The following DAB1 variants were observed in gnomAD, a reference collection of about 807,000 sequenced individuals.
DAB1 encodes the protein disabled homolog 1.
A neutral mutation model predicts 64.6 loss-of-function variants in DAB1; 15 were observed. The ratio of observed to expected loss-of-function variants is 0.23; its 90% CI spans 0.16 to 0.36. DAB1 has a LOEUF of 0.36. Ranked by LOEUF, DAB1 falls within the 10% of genes least tolerant of loss-of-function variation. The pLI is 1.00. For missense variants in DAB1, 596 were observed against 706.7 expected (o/e 0.84, Z 1.78); for synonymous variants, 235 against 251.9 (o/e 0.93, Z 0.64).
intron 7 of DAB1, among the ~76,000 whole-genome samples, chr1:57,516,389 G>A (rs1017590368): frequency 1.3e-5 from 2 of 152,206 alleles, no homozygotes; most frequent in African/African-American, 2.4e-5. Context: ...GAAGACATAA[G>A]ACCGGAGACT....
At chr1:57,127,641 C>T (rs145424422) in intron 4 of DAB1, among the ~76,000 whole-genome samples, 2 of 152,292 alleles carry the variant, frequency 1.3e-5, no homozygotes, top group African/African-American at 4.8e-5. Context: ...CCAGTAGGTG[C>T]TCAATAAGTA....
intron 4 of DAB1, among the ~76,000 whole-genome samples, chr1:58,267,183 G>A (rs1661189587): frequency 6.6e-6 from 1 of 152,124 alleles, no homozygotes; most frequent in African/African-American, 2.4e-5. Context: ...TCACGCCACT[G>A]CACTCCAGCC....
intron 1 of DAB1, among the ~76,000 whole-genome samples, chr1:57,827,554 G>A (rs747699438): frequency 1.3e-5 from 2 of 152,146 alleles, no homozygotes; most frequent in Non-Finnish European, 2.9e-5. Flanking sequence ...AGATGGTGAA[G>A]ATTTAACACA....
At chr1:57,510,530 C>A (rs987148440) in intron 7 of DAB1, among the ~76,000 whole-genome samples, 1 of 152,110 alleles carries the variant, frequency 6.6e-6, no homozygotes, top group South Asian at 2.1e-4. Context: ...CTTGCACAGA[C>A]CCCGAGCTCT....
chr1:57,759,872 G>A (rs1166598521), intron 6 of DAB1, among the ~76,000 whole-genome samples: 1 of 152,170 alleles, frequency 6.6e-6, no homozygotes, highest in Non-Finnish European at 1.5e-5. Context: ...AACAATTATA[G>A]AGGGGAAATG....
intron 4 of DAB1, among the ~76,000 whole-genome samples, chr1:58,342,446 A>G (rs112915071): frequency 0.013 from 1,963 of 152,320 alleles, 24 homozygotes; most frequent in Non-Finnish European, 0.02. Flanking sequence ...GAGAATGTGG[A>G]TAAATCAATA....
At chr1:58,369,048 A>T (rs1290511175) in intron 3 of DAB1, among the ~76,000 whole-genome samples, 4 of 152,208 alleles carry the variant, frequency 2.6e-5, no homozygotes, top group Non-Finnish European at 4.4e-5. Context: ...TACTAACAGG[A>T]ATTGGTGCAT....
chr1:57,632,395 A>G (rs1646000498), intron 7 of DAB1, among the ~76,000 whole-genome samples: 1 of 152,168 alleles, frequency 6.6e-6, no homozygotes, highest in South Asian at 2.1e-4. Context: ...TTAACATGAA[A>G]TTGGGATCAG....
chr1:58,499,504 AG>A (rs1330821836), intron 3 of DAB1, among the ~76,000 whole-genome samples: 6 of 146,856 alleles, frequency 4.1e-5, no homozygotes, highest in Non-Finnish European at 7.5e-5. Context: ...ATAGATAGAT[AG>A]ATAAATAGAT....
At chr1:57,422,127 C>T (rs1030385990) in intron 1 of DAB1, among the ~76,000 whole-genome samples, 1 of 152,148 alleles carries the variant, frequency 6.6e-6, no homozygotes, top group Non-Finnish European at 1.5e-5. Context: ...GATAATTAGG[C>T]GGTTCTGAAC....
At chr1:58,164,914 G>A (rs889142134) in intron 4 of DAB1, among the ~76,000 whole-genome samples, 26 of 152,112 alleles carry the variant, frequency 1.7e-4, no homozygotes, top group African/African-American at 6.0e-4. Flanking sequence ...TATCTATTTG[G>A]TAGATGTATT....
chr1:58,021,160 A>G (rs2806396), intron 5 of DAB1, among the ~76,000 whole-genome samples: 85,437 of 152,108 alleles, frequency 0.56, 24,387 homozygotes, highest in East Asian at 0.84. Context: ...TCATAGCTTA[A>G]GGGCTTAGAG....
intron 5 of DAB1, among the ~76,000 whole-genome samples, chr1:58,030,692 G>T (rs1328888899): frequency 6.6e-6 from 1 of 152,158 alleles, no homozygotes; most frequent in African/African-American, 2.4e-5. Flanking sequence ...CCTTTGTACT[G>T]CCAGAGCCTT....
intron 7 of DAB1, among the ~76,000 whole-genome samples, chr1:57,459,977 C>T (rs1686727613): frequency 6.6e-6 from 1 of 152,156 alleles, no homozygotes. Flanking sequence ...GACAGGGATC[C>T]TAACACTATA....
At position 58,088,017 on chromosome 1, in the gene DAB1, A is replaced by G. The variant is rs373483835; in HGVS notation, n.387+62494T>C. 4.1e-4 allele frequency among the ~76,000 whole-genome samples: 62 copies of G among 152,310 alleles called. No homozygotes were observed. The South Asian group carries it at 0.013, about 31-fold the overall frequency. ...ACTGTTTGTTTTGTTTCTATCAACC[A>G]TTTCCTCCATGGTTCTCCCAGCATG... On this transcript the variant is annotated intron_variant and non_coding_transcript_variant, in intron 5 of 20. Transcript: ENST00000485760.
chr1:57,137,427 G>A (rs889530612), intron 3 of DAB1, among the ~76,000 whole-genome samples: 2 of 152,158 alleles, frequency 1.3e-5, no homozygotes, highest in South Asian at 2.1e-4. Context: ...AGATGAATAT[G>A]TGCTATCCAG....
chr1:58,048,596 T>A (rs1647404689), intron 5 of DAB1: 1 of 1,031,262 alleles, frequency 9.7e-7, no homozygotes, highest in East Asian at 2.4e-5. Flanking sequence ...TCCACTGACA[T>A]CACAGCTGCC....
At chr1:57,215,249 A>G (rs1466027126) in intron 2 of DAB1, among the ~76,000 whole-genome samples, 1 of 152,172 alleles carries the variant, frequency 6.6e-6, no homozygotes, top group East Asian at 1.9e-4. Flanking sequence ...GGAAAAAGCA[A>G]TGTTTTCCAA....
At chr1:57,036,666 T>C (rs1050969517) in intron 9 of DAB1, among the ~76,000 whole-genome samples, 2 of 152,216 alleles carry the variant, frequency 1.3e-5, no homozygotes, top group Admixed American at 6.5e-5. Context: ...TCATAGCATG[T>C]ACACAGTTTT....
Sources: allele counts gnomAD v4.1 joint callset (sites outside exome capture counted in the v4.1 genomes callset), GRCh38; gene constraint gnomAD v4.1.1; transcripts MANE v1.5; gene names NCBI Gene and HGNC (gene_info 2026-07-23, HGNC 2026-07-21).